Variants in REV3L observed in about 807,000 individuals in gnomAD.
The protein encoded by REV3L is DNA polymerase zeta catalytic subunit.
In REV3L, 69 loss-of-function variants were observed where a neutral mutation model predicts 299.4. That is an observed-to-expected ratio of 0.23 (90% confidence interval 0.19 to 0.28). The LOEUF is 0.28. Ranked by LOEUF, REV3L falls within the 10% of genes least tolerant of loss-of-function variation. REV3L has a pLI of 1.00. For synonymous variants in REV3L, 1,238 were observed against 1,271.4 expected (o/e 0.97, Z 0.56); for missense variants, 3,128 against 3,693.8 (o/e 0.85, Z 3.97).
At chr6:111,438,162 C>T (rs1159082233) in intron 1 of REV3L, among the ~76,000 whole-genome samples, 1 of 152,062 alleles carries the variant, frequency 6.6e-6, no homozygotes, top group Non-Finnish European at 1.5e-5. Flanking sequence ...CAGGCATCAG[C>T]CACCTCACCT....
chr6:111,438,014 A>ATTTTTTTTTTTT (rs113741430), intron 1 of REV3L, among the ~76,000 whole-genome samples: 3 of 146,664 alleles, frequency 2.0e-5, no homozygotes, highest in Non-Finnish European at 1.5e-5. Flanking sequence ...CACCTGCCTA[A>ATTTTTTTTTTTT]TTTTTTTTTT....
At position 111,347,940 on chromosome 6, in the gene REV3L, C is replaced by T. The variant is rs190677026; in HGVS notation, c.7419+1278G>A. ...TCCAAGTAGCTGTTGCCTGGCTACA[C>T]GCTAGGCACATGCTACCATACATGG... is the stretch of plus-strand genomic sequence containing the variant. On this transcript the variant is annotated intron_variant, in intron 20 of 31. Transcript: ENST00000368802. Among the ~76,000 whole-genome samples the T allele has an allele frequency of 2.6e-5, 4 of 152,190 alleles. No homozygotes were observed. The East Asian group carries it at 5.8e-4, about 22-fold the overall frequency.
rs139912596 is a variant in REV3L at position 111,374,598 on chromosome 6, T to C, written c.3757A>G (p.Ser1253Gly). Reference protein sequence around the residue: ...LKHQNVSEFASSSGGSQLLFK... With the variant: ...LKHQNVSEFAGSSGGSQLLFK... ...AGTAGTTGAGAGCCTCCAGAACTAC[T>C]TGCAAATTCAGACACATTCTGGTGT... Residue 1253 changes from serine (S) to glycine (G), a missense_variant, in exon 13 of 32, where the codon AGT becomes GGT. Ser to Gly is a moderately conservative substitution (Grantham distance 56, BLOSUM62 0). Coordinates refer to ENST00000368802, the MANE Select transcript of REV3L (RefSeq NM_001372078.1). 33 of 1,613,616 alleles carry C rather than the reference T, an allele frequency of 2.0e-5. No individual in the cohort carries two copies. The African/African-American group carries it at 3.5e-4, about 17-fold the overall frequency.
intron 25 of REV3L, among the ~76,000 whole-genome samples, chr6:111,323,625 A>C (rs1032286485): frequency 6.6e-6 from 1 of 152,176 alleles, no homozygotes. Flanking sequence ...GGGCCTTGAC[A>C]AATATGAGAA....
At chr6:111,455,442 G>A (rs1057260883) in intron 1 of REV3L, among the ~76,000 whole-genome samples, 1 of 152,170 alleles carries the variant, frequency 6.6e-6, no homozygotes, top group African/African-American at 2.4e-5. Context: ...AGAAGCAGAA[G>A]ATGATGCTGA....
chr6:111,388,683 A>G (rs189477120), intron 7 of REV3L, among the ~76,000 whole-genome samples: 15 of 152,204 alleles, frequency 9.9e-5, no homozygotes, highest in African/African-American at 2.9e-4. Flanking sequence ...CTTATATGAC[A>G]TACTCAGAAA....
intron 1 of REV3L, chr6:111,431,849 T>C: frequency 1.9e-6 from 1 of 523,342 alleles, no homozygotes. Context: ...AAACGCTTTT[T>C]AGAATATGTT....
chr6:111,309,251 C>T (rs1346429443), intron 30 of REV3L: 1 of 152,242 alleles, frequency 6.6e-6, no homozygotes, highest in Non-Finnish European at 1.5e-5. Flanking sequence ...AATCCGATCA[C>T]CCGTGGGCTA....
chr6:111,453,426 G>C (rs1468029971), intron 1 of REV3L, among the ~76,000 whole-genome samples: 1 of 152,020 alleles, frequency 6.6e-6, no homozygotes, highest in Non-Finnish European at 1.5e-5. Flanking sequence ...AGACGTAGGG[G>C]GCTCAAATGA....
chr6:111,393,224 G>A (rs1185192477), intron 4 of REV3L, among the ~76,000 whole-genome samples: 1 of 152,068 alleles, frequency 6.6e-6, no homozygotes, highest in African/African-American at 2.4e-5. Flanking sequence ...GTTTCACCGT[G>A]TTAGCCAGGA....
At chr6:111,322,515 A>G in intron 26 of REV3L, 54 bp downstream of exon 26, 1 of 1,324,974 alleles carries the variant, frequency 7.5e-7, no homozygotes, top group Non-Finnish European at 1.1e-6. Context: ...TTAAACACTG[A>G]AATGAAGATC....
At position 111,309,876 on chromosome 6, in the gene REV3L, T is replaced by G; in HGVS notation, c.9019A>C (p.Ser3007Arg). 1 of 1,614,054 alleles carries G rather than the reference T, an allele frequency of 6.2e-7. No homozygotes were observed. Among genetic ancestry groups the G allele is most frequent in the Non-Finnish European group, 8.5e-7 (1 of 1,179,924 alleles). ...IFSLIGIDVFSWYHELPRIHK... is the reference protein window; with the variant it reads ...IFSLIGIDVFRWYHELPRIHK... The stretch of plus-strand genomic sequence containing the variant: ...ACCCTTGGTAATTCATGATACCAGC[T>G]GAAGACATCAATACCAATAAGTGAG... The change falls in exon 30 of 32, where the codon AGC becomes CGC. Residue 3007 changes from serine (S) to arginine (R), a missense_variant. Physicochemically the swap from Ser to Arg is moderately radical, Grantham distance 110. This residue lies in a region of REV3L where 294 missense variants were observed against 377.0 expected (regional missense o/e 0.78). Coordinates refer to ENST00000368802, the MANE Select transcript of REV3L (RefSeq NM_001372078.1).
At chr6:111,481,527 A>G (rs942336317) in intron 1 of REV3L, among the ~76,000 whole-genome samples, 6 of 152,354 alleles carry the variant, frequency 3.9e-5, no homozygotes, top group African/African-American at 1.2e-4. Context: ...TTCACATTAA[A>G]AGATAACTGC....
intron 2 of REV3L, among the ~76,000 whole-genome samples, chr6:111,415,882 T>A (rs1784713657): frequency 6.6e-6 from 1 of 152,184 alleles, no homozygotes; most frequent in Non-Finnish European, 1.5e-5. Context: ...TAATTTAATG[T>A]TGTATTTATT....
chr6:111,350,752 C>CT lies in REV3L; in HGVS notation c.7300+923dup, dbSNP rs35185792. On this transcript the variant is annotated intron_variant, in intron 19 of 31. Transcript: ENST00000368802. ...CTATCACACCTGGCTAATTTTCTTT[C>CT]TTTTTTTTTTTTTTTTGGTAGAAAT... Among the ~76,000 whole-genome samples, 347 of 138,596 alleles carry CT rather than the reference C, an allele frequency of 2.5e-3. 2 individuals are homozygous for CT. The highest frequency in any genetic ancestry group is 7.6e-3 in the Middle Eastern group (2 of 262). The allele number at this position is 138,596 out of a possible 152,430, so 90.9% of individuals were successfully genotyped here. A position where few individuals can be genotyped will look rare whatever the true frequency, so the allele number is the denominator to read the frequency against.
At chr6:111,442,765 T>C (rs890822346) in intron 1 of REV3L, among the ~76,000 whole-genome samples, 1 of 152,246 alleles carries the variant, frequency 6.6e-6, no homozygotes, top group Non-Finnish European at 1.5e-5. Flanking sequence ...ATTAACTACA[T>C]CTCTTTAAGT....
chr6:111,438,076 C>T (rs1787813754), intron 1 of REV3L, among the ~76,000 whole-genome samples: 1 of 150,912 alleles, frequency 6.6e-6, no homozygotes, highest in Non-Finnish European at 1.5e-5. Context: ...TTAGACTGGT[C>T]TCAAACTCCT....
At chr6:111,479,545 T>C (rs1366548384) in intron 1 of REV3L, among the ~76,000 whole-genome samples, 2 of 145,844 alleles carry the variant, frequency 1.4e-5, no homozygotes, top group African/African-American at 5.0e-5. Context: ...GCTCTTGCTC[T>C]GTTGCCCAGG....
intron 1 of REV3L, among the ~76,000 whole-genome samples, chr6:111,438,326 A>G (rs942301267): frequency 7.9e-5 from 12 of 152,134 alleles, no homozygotes; most frequent in Middle Eastern, 3.2e-3. Flanking sequence ...ATATACAGAA[A>G]TATAATCATT....
Sources: allele counts gnomAD v4.1 joint callset (sites outside exome capture counted in the v4.1 genomes callset), GRCh38; gene constraint gnomAD v4.1.1; regional missense constraint gnomAD v4.1.1; transcripts MANE v1.5; gene names NCBI Gene and HGNC (gene_info 2026-07-23, HGNC 2026-07-21).